Variants in STK4 observed in about 807,000 individuals in gnomAD.
STK4 encodes the protein serine/threonine kinase 4, also known as serine/threonine-protein kinase 4.
Under a neutral mutation model 64.9 loss-of-function variants are expected in STK4, and 30 were observed. That is an observed-to-expected ratio of 0.46 (90% CI 0.35 to 0.63). The LOEUF (loss-of-function observed/expected upper bound fraction) is 0.63, where lower values mean the gene tolerates loss of function less well. Ranked by LOEUF, STK4 falls within the 20% of genes least tolerant of loss-of-function variation. The probability of loss-of-function intolerance (pLI) is 0.01; values close to 1 mark genes in which losing one functional copy is unlikely to be tolerated. For missense variants in STK4, 466 were observed against 598.5 expected (o/e 0.78, Z 2.31); for synonymous variants, 177 against 199.0 (o/e 0.89, Z 0.93).
chr20:45,025,029 A>C lies in STK4; in HGVS notation c.1204A>C (p.Lys402Gln). The stretch of plus-strand genomic sequence containing the variant: ...ATCCTTTCTTGAATATTTTGAACAA[A>C]AAGAAAAGGAAAACCAGATCAACAG... ...KPSFLEYFEQ[K>Q]EKENQINSFG... The change falls in exon 10 of 11, where the codon AAA becomes CAA. Residue 402 changes from lysine to glutamine, a missense_variant. Coordinates refer to ENST00000372806, the MANE Select transcript of STK4 (RefSeq NM_006282.5). 6 of 1,613,622 alleles carry C rather than the reference A, an allele frequency of 3.7e-6. No homozygotes were observed. The highest frequency in any genetic ancestry group is 5.1e-6 in the Non-Finnish European group (6 of 1,179,758).
intron 5 of STK4, among the ~76,000 whole-genome samples, chr20:44,990,278 G>A (rs1437375220): frequency 6.6e-6 from 1 of 152,090 alleles, no homozygotes; most frequent in Non-Finnish European, 1.5e-5. Flanking sequence ...TCATTCCTAA[G>A]TAGTTTGTAC....
intron 5 of STK4, among the ~76,000 whole-genome samples, chr20:44,988,533 G>GTGTGTGTGTGTATATATA (rs1221720136): frequency 7.5e-4 from 76 of 101,562 alleles, no homozygotes; most frequent in African/African-American, 3.6e-3. Context: ...ATGTGTGTGT[G>GTGTGTGTGTGTATATATA]TATATATATA....
intron 7 of STK4, among the ~76,000 whole-genome samples, chr20:44,998,307 C>T (rs2067771636): frequency 6.6e-6 from 1 of 152,168 alleles, no homozygotes; most frequent in African/African-American, 2.4e-5. Context: ...GGGCAAGTAA[C>T]TTAATCTCTC....
chr20:44,976,419 T>C (rs150858606), intron 2 of STK4, among the ~76,000 whole-genome samples: 2 of 152,276 alleles, frequency 1.3e-5, no homozygotes, highest in African/African-American at 4.8e-5. Context: ...ATTGAAGAAG[T>C]TTATGAAGTG....
intron 9 of STK4, among the ~76,000 whole-genome samples, chr20:45,002,444 G>C (rs1201003907): frequency 6.6e-6 from 1 of 152,128 alleles, no homozygotes; most frequent in Non-Finnish European, 1.5e-5. Context: ...TAATCATGAA[G>C]AGAACTGTTT....
chr20:45,031,926 T>C (rs956452264), intron 10 of STK4, among the ~76,000 whole-genome samples: 19 of 118,940 alleles, frequency 1.6e-4, no homozygotes, highest in Non-Finnish European at 2.5e-4. Flanking sequence ...AAAAAAAAAA[T>C]CAGATGAAAT....
chr20:45,022,701 A>G (rs1337431532), intron 9 of STK4, among the ~76,000 whole-genome samples: 1 of 152,164 alleles, frequency 6.6e-6, no homozygotes, highest in Non-Finnish European at 1.5e-5. Context: ...ATGAAGAACC[A>G]TAGAAATATA....
chr20:45,076,462 C>G lies in STK4; in HGVS notation c.*1286C>G, dbSNP rs902019868. The G allele has an allele frequency of 1.3e-5, 2 of 152,200 alleles. No individual in the cohort carries two copies. The highest frequency in any genetic ancestry group is 6.5e-5 in the Admixed American group (1 of 15,278). 9.4% of individuals were successfully genotyped at this position (152,200 alleles called of 1,614,324 possible). ...TTTGGGGGAAGAGACCTGTGTCAGT[C>G]TTGGTTAATTGTTCCAGGGAACCTT... On this transcript the variant is annotated 3_prime_UTR_variant, in exon 11 of 11. Transcript: ENST00000372806. This position sits in a 1 kb window ranked among gnomAD's most constrained non-coding sequence, Gnocchi z 4.0.
Position 45,019,680 on chromosome 20 carries a change from T to A in STK4, c.1148-5293T>A, listed in dbSNP as rs953605421. Among the ~76,000 whole-genome samples, 5 of 152,346 alleles carry A rather than the reference T, an allele frequency of 3.3e-5. No homozygotes were observed. The South Asian group carries it at 1.0e-3, about 32-fold the overall frequency. ...GAGCAAGATGTGGTATTTTCAAGGC[T>A]TGATTTCTCTCTTCAGTCCATTCTT... On this transcript the variant is annotated intron_variant, in intron 9 of 10. Transcript: ENST00000372806.
In STK4 at chr20:44,978,908, T is replaced by C. The variant is rs911632680; in HGVS notation, c.245+337T>C. 2.6e-5 allele frequency among the ~76,000 whole-genome samples: 4 copies of C among 151,878 alleles called. No individual in the cohort carries two copies. In the East Asian group the frequency reaches 7.7e-4, roughly 29 times the overall value. ...CCACCTCCCAGGTTCAAGTGATTCT[T>C]GTGCCTCAGCCTCCCGAGTAGCTGG... On this transcript the variant is annotated intron_variant, in intron 3 of 10. Coordinates refer to ENST00000372806, the MANE Select transcript of STK4 (RefSeq NM_006282.5).
At chr20:45,074,217 T>G (rs532237904) in intron 10 of STK4, among the ~76,000 whole-genome samples, 1 of 152,296 alleles carries the variant, frequency 6.6e-6, no homozygotes, top group African/African-American at 2.4e-5. Flanking sequence ...ATAATGTCCT[T>G]GTAGCATGGG....
At chr20:45,016,328 G>A (rs1021911715) in intron 9 of STK4, among the ~76,000 whole-genome samples, 6 of 152,086 alleles carry the variant, frequency 3.9e-5, no homozygotes, top group Non-Finnish European at 7.4e-5. Context: ...ATTTATTACC[G>A]ACTGGATTTT....
chr20:44,982,042 T>G (rs756489763), intron 4 of STK4, 99 bp downstream of exon 4: 5 of 761,724 alleles, frequency 6.6e-6, no homozygotes, highest in Non-Finnish European at 9.0e-6. Flanking sequence ...GAGAGACGAC[T>G]GTCAGATTTC....
At chr20:45,005,643 GTC>G in intron 9 of STK4, among the ~76,000 whole-genome samples, 1 of 107,642 alleles carries the variant, frequency 9.3e-6, no homozygotes, top group Non-Finnish European at 1.7e-5. Context: ...GCGAGACTCT[GTC>G]TCAAAAAAAA....
chr20:45,052,400 C>T (rs986566945), intron 10 of STK4, among the ~76,000 whole-genome samples: 19 of 151,998 alleles, frequency 1.3e-4, no homozygotes, highest in African/African-American at 4.6e-4. Flanking sequence ...TTTCACTTAA[C>T]ATATCTTAAA....
chr20:44,968,277 A>T (rs551277815), intron 1 of STK4, among the ~76,000 whole-genome samples: 1 of 152,188 alleles, frequency 6.6e-6, no homozygotes, highest in East Asian at 1.9e-4. Context: ...AACTGGGACC[A>T]CAGGTGCGTG....
intron 9 of STK4, among the ~76,000 whole-genome samples, chr20:45,020,957 G>A (rs779519206): frequency 1.3e-5 from 2 of 151,892 alleles, no homozygotes; most frequent in Non-Finnish European, 2.9e-5. Context: ...GACCACAGGT[G>A]CGTGCCACCA....
chr20:44,988,073 A>G (rs1250585704), intron 5 of STK4, among the ~76,000 whole-genome samples: 2 of 152,124 alleles, frequency 1.3e-5, no homozygotes, highest in Admixed American at 6.6e-5. Context: ...AAAATAAATC[A>G]GAACCTTATT....
chr20:45,031,739 T>C (rs1274962989), intron 10 of STK4, among the ~76,000 whole-genome samples: 1 of 151,754 alleles, frequency 6.6e-6, no homozygotes, highest in East Asian at 1.9e-4. Flanking sequence ...CCATCCCTAC[T>C]AAAAGTACAA....
Sources: allele counts gnomAD v4.1 joint callset (sites outside exome capture counted in the v4.1 genomes callset), GRCh38; gene constraint gnomAD v4.1.1; non-coding constraint Gnocchi (gnomAD v3.1); transcripts MANE v1.5; gene names NCBI Gene and HGNC (gene_info 2026-07-23, HGNC 2026-07-21).